NCAM2: variants seen among roughly 807,000 people sequenced by gnomAD.
NCAM2 encodes N-CAM-2.
Under a neutral mutation model 98.1 loss-of-function variants are expected in NCAM2, and 30 were observed. The ratio of observed to expected loss-of-function variants is 0.31; its 90% CI spans 0.23 to 0.41. The LOEUF (loss-of-function observed/expected upper bound fraction) is 0.41, where lower values mean the gene tolerates loss of function less well. Among genes scored for constraint, NCAM2 ranks in the 10% least tolerant of loss-of-function variants. The pLI is 1.00. For missense variants in NCAM2, 867 were observed against 1,005.8 expected (o/e 0.86, Z 1.87); for synonymous variants, 368 against 342.4 (o/e 1.07, Z -0.83).
chr21:20,998,936 A>T (rs1195296956), intron 1 of NCAM2, among the ~76,000 whole-genome samples: 1 of 152,014 alleles, frequency 6.6e-6, no homozygotes, highest in African/African-American at 2.4e-5. Context: ...ATTATCAGAA[A>T]TTGGATGAGT....
intron 1 of NCAM2, among the ~76,000 whole-genome samples, chr21:21,108,233 T>G (rs2146516217): frequency 6.6e-6 from 1 of 152,216 alleles, no homozygotes; most frequent in Middle Eastern, 3.4e-3. Flanking sequence ...GACTTTTTTT[T>G]TTAATAAACA....
chr21:20,999,784 T>C (rs925331483), intron 1 of NCAM2, among the ~76,000 whole-genome samples: 1 of 152,196 alleles, frequency 6.6e-6, no homozygotes, highest in Non-Finnish European at 1.5e-5. Context: ...AGAACTCCAT[T>C]TTAAGCCCAG....
chr21:21,407,464 T>C (rs540027078), intron 9 of NCAM2, among the ~76,000 whole-genome samples: 2 of 152,288 alleles, frequency 1.3e-5, no homozygotes, highest in East Asian at 3.9e-4. Context: ...TTGCTTTCTG[T>C]TATGGAAAAC....
intron 1 of NCAM2, among the ~76,000 whole-genome samples, chr21:21,248,546 G>A (rs563567980): frequency 3.9e-4 from 59 of 151,970 alleles, no homozygotes; most frequent in African/African-American, 1.4e-3. Context: ...GGAGGCCGAG[G>A]CAAGCGGGTC....
intron 6 of NCAM2, among the ~76,000 whole-genome samples, chr21:21,331,517 C>CTCTCTCTCTCTCTCTCTATA (rs1483062198): frequency 8.6e-4 from 6 of 6,938 alleles, no homozygotes; most frequent in East Asian, 4.5e-3. Flanking sequence ...CTCTCTCTCT[C>CTCTCTCTCTCTCTCTCTATA]TATATATATA....
At chr21:21,142,419 T>C (rs1268366269) in intron 1 of NCAM2, among the ~76,000 whole-genome samples, 1 of 140,028 alleles carries the variant, frequency 7.1e-6, no homozygotes, top group Non-Finnish European at 1.5e-5. Context: ...CACCCTGTCG[T>C]CCAGGCTGGA....
intron 1 of NCAM2, among the ~76,000 whole-genome samples, chr21:21,153,313 G>T (rs1268711129): frequency 6.7e-6 from 1 of 149,760 alleles, no homozygotes. Context: ...TTTTCATGAA[G>T]CTCCCTGGAA....
chr21:21,066,425 C>T (rs112879964), intron 1 of NCAM2, among the ~76,000 whole-genome samples: 123 of 152,088 alleles, frequency 8.1e-4, no homozygotes, highest in Middle Eastern at 3.4e-3. Context: ...TATACACACA[C>T]ACACACAGAT....
intron 1 of NCAM2, among the ~76,000 whole-genome samples, chr21:20,998,980 G>T (rs1366121707): frequency 6.6e-6 from 1 of 152,088 alleles, no homozygotes; most frequent in Non-Finnish European, 1.5e-5. Flanking sequence ...GTTGCGGAAG[G>T]AAAGGGCACG....
intron 13 of NCAM2, among the ~76,000 whole-genome samples, chr21:21,468,337 A>G (rs1465038583): frequency 6.6e-6 from 1 of 152,020 alleles, no homozygotes; most frequent in Non-Finnish European, 1.5e-5. Flanking sequence ...GAAAATAAAA[A>G]TGATTTAATA....
intron 1 of NCAM2, among the ~76,000 whole-genome samples, chr21:21,231,827 T>G (rs1305128129): frequency 1.3e-5 from 2 of 151,560 alleles, no homozygotes; most frequent in African/African-American, 2.4e-5. Flanking sequence ...GAATATCTCT[T>G]TAAATGTAAA....
At chr21:21,368,429 G>T (rs2075837542) in intron 8 of NCAM2, among the ~76,000 whole-genome samples, 1 of 151,582 alleles carries the variant, frequency 6.6e-6, no homozygotes, top group Admixed American at 6.6e-5. Flanking sequence ...TGTATTTCCA[G>T]TTGTTCTCCC....
At chr21:21,420,197 A>G (rs968337480) in intron 11 of NCAM2, among the ~76,000 whole-genome samples, 2 of 152,142 alleles carry the variant, frequency 1.3e-5, no homozygotes, top group African/African-American at 4.8e-5. Flanking sequence ...AGAAAATTGA[A>G]GGTTACATAA....
intron 1 of NCAM2, among the ~76,000 whole-genome samples, chr21:21,000,079 G>A (rs2063991125): frequency 6.6e-6 from 1 of 152,214 alleles, no homozygotes; most frequent in Admixed American, 6.5e-5. Flanking sequence ...ATGTCCATCT[G>A]AAGCTAATAC....
At chr21:21,265,320 T>C (rs1300446330) in intron 1 of NCAM2, among the ~76,000 whole-genome samples, 1 of 131,680 alleles carries the variant, frequency 7.6e-6, no homozygotes, top group African/African-American at 2.7e-5. Context: ...CACGTATATA[T>C]ACACATATAT....
At chr21:21,412,602 A>G (rs879472805) in intron 10 of NCAM2, among the ~76,000 whole-genome samples, 97 of 152,306 alleles carry the variant, frequency 6.4e-4, no homozygotes, top group Non-Finnish European at 6.2e-4. Flanking sequence ...ACTTCTGCCT[A>G]AAGACATCCC....
chr21:21,246,586 A>G (rs983762871), intron 1 of NCAM2, among the ~76,000 whole-genome samples: 3 of 152,076 alleles, frequency 2.0e-5, no homozygotes, highest in African/African-American at 7.3e-5. Flanking sequence ...CACAAATTTG[A>G]GGTTTTGGTA....
At chr21:21,325,753 T>C (rs1014545059) in intron 6 of NCAM2, among the ~76,000 whole-genome samples, 1 of 152,282 alleles carries the variant, frequency 6.6e-6, no homozygotes, top group Non-Finnish European at 1.5e-5. Flanking sequence ...CAGAGATTTC[T>C]TTTTTCTTAT....
intron 1 of NCAM2, among the ~76,000 whole-genome samples, chr21:21,089,148 TTAC>T (rs1164894568): frequency 1.3e-5 from 2 of 152,170 alleles, no homozygotes; most frequent in African/African-American, 4.8e-5. Context: ...AATACAAGGA[TTAC>T]TTCGGAGAAG....
Sources: allele counts gnomAD v4.1 joint callset (sites outside exome capture counted in the v4.1 genomes callset), GRCh38; gene constraint gnomAD v4.1.1; transcripts MANE v1.5; gene names NCBI Gene and HGNC (gene_info 2026-07-23, HGNC 2026-07-21).